The following SERPINB12 variants were observed in gnomAD, a reference collection of about 807,000 sequenced individuals.
SERPINB12 encodes serpin B12.
Under a neutral mutation model 41.1 loss-of-function variants are expected in SERPINB12, and 57 were observed. The ratio of observed to expected loss-of-function variants is 1.39; its 90% confidence interval spans 1.12 to 1.73. The LOEUF is 1.73. Ranked by LOEUF, SERPINB12 falls within the 40% of genes most tolerant of loss-of-function variation. The pLI, the probability that SERPINB12 is intolerant of heterozygous loss-of-function variation, is 0.00. For synonymous variants in SERPINB12, 180 were observed against 181.3 expected, an observed-to-expected ratio of 0.99 and a Z score of 0.06; for missense variants, 536 against 501.9, an observed-to-expected ratio of 1.07 and a Z score of -0.65.
rs1911163373 is a variant in SERPINB12, at chr18:63,567,831, C to T, written c.*820C>T. Among the ~76,000 whole-genome samples the T allele has an allele frequency of 6.6e-6, 1 of 152,252 alleles. No homozygotes were observed. Among genetic ancestry groups the T allele is most frequent in the African/African-American group, 2.4e-5 (1 of 41,470 alleles). On this transcript the variant is annotated 3_prime_UTR_variant, in exon 8 of 8. Coordinates refer to ENST00000382768, the MANE Select transcript of SERPINB12 (RefSeq NM_001307928.2). ...CTGTGGCTAGCTCCTTTTATGCACC[C>T]AGCACAGGCAGGTGTCAAGAGAAGT...
the SERPINB12 span, among the ~76,000 whole-genome samples, chr18:63,530,688 C>T: frequency 6.6e-6 from 1 of 152,108 alleles, no homozygotes; most frequent in Non-Finnish European, 1.5e-5. Flanking sequence ...ATCAGATGCC[C>T]ACAGATGGTG....
chr18:63,534,723 T>A, the SERPINB12 span, among the ~76,000 whole-genome samples: 52 of 152,340 alleles, frequency 3.4e-4, no homozygotes, highest in African/African-American at 1.2e-3. Flanking sequence ...TAGCCGTCAG[T>A]ACTTGTTTTA....
At chr18:63,520,965 A>G in the SERPINB12 span, among the ~76,000 whole-genome samples, 9 of 152,364 alleles carry the variant, frequency 5.9e-5, no homozygotes, top group East Asian at 1.7e-3. Context: ...AGGCAAGGAG[A>G]AATTTTTAAA....
At chr18:63,537,905 C>A (rs1910205303), upstream of SERPINB12, among the ~76,000 whole-genome samples, 1 of 152,042 alleles carries the variant, frequency 6.6e-6, no homozygotes, top group Non-Finnish European at 1.5e-5. Flanking sequence ...GTAGGTGGAA[C>A]AGGTATGAGA....
intron 1 of SERPINB12, among the ~76,000 whole-genome samples, chr18:63,546,366 A>G (rs982884850): frequency 1.3e-5 from 2 of 152,220 alleles, no homozygotes; most frequent in Non-Finnish European, 2.9e-5. Context: ...TAGAACCAAA[A>G]GTAACATCAG....
chr18:63,561,848 T>C (rs1277862128), intron 5 of SERPINB12, among the ~76,000 whole-genome samples: 1 of 151,988 alleles, frequency 6.6e-6, no homozygotes, highest in Admixed American at 6.6e-5. Context: ...CACACAGACA[T>C]AAATATGGCA....
intron 2 of SERPINB12, among the ~76,000 whole-genome samples, 196 bp downstream of exon 2, chr18:63,556,523 C>G (rs191144301): frequency 6.6e-6 from 1 of 152,194 alleles, no homozygotes; most frequent in African/African-American, 2.4e-5. Flanking sequence ...TAAAGTCTCA[C>G]TTAAACTTGT....
chr18:63,536,651 G>C, the SERPINB12 span, among the ~76,000 whole-genome samples: 4 of 152,054 alleles, frequency 2.6e-5, no homozygotes, highest in African/African-American at 9.7e-5. Context: ...CACCCAATGA[G>C]GATTGGTTAG....
At chr18:63,563,496 T>G (rs1297918125) in intron 5 of SERPINB12, among the ~76,000 whole-genome samples, 1 of 152,182 alleles carries the variant, frequency 6.6e-6, no homozygotes, top group Non-Finnish European at 1.5e-5. Flanking sequence ...GTTTCTCCCC[T>G]GCCCCATCAC....
Position 63,553,977 on chromosome 18 carries a change from C to G in SERPINB12, c.-18-2165C>G, listed in dbSNP as rs561220230. The stretch of plus-strand genomic sequence containing the variant: ...AACACCCACCAATTAAGGCATAATG[C>G]TCCTGAAAACACTCTGGTGATCTAT... On this transcript the variant is annotated intron_variant, in intron 1 of 7. Coordinates refer to ENST00000382768, the MANE Select transcript of SERPINB12 (RefSeq NM_001307928.2). Among the ~76,000 whole-genome samples, 47 of 152,280 alleles carry G rather than the reference C, an allele frequency of 3.1e-4. 1 individual carries two copies.
chr18:63,520,267 G>T, the SERPINB12 span, among the ~76,000 whole-genome samples: 28 of 152,212 alleles, frequency 1.8e-4, no homozygotes, highest in Non-Finnish European at 3.7e-4. Flanking sequence ...TTACCAGGAC[G>T]GGACAATGGT....
At chr18:63,559,003 C>CCTTCTTTCTTTCTTTCT (rs1910780632) in intron 3 of SERPINB12, among the ~76,000 whole-genome samples, 11 of 78,536 alleles carry the variant, frequency 1.4e-4, no homozygotes, top group African/African-American at 5.6e-4. Flanking sequence ...TCTTTCCTTC[C>CCTTCTTTCTTTCTTTCT]TTCTTTCTTT....
rs1450215306 is a variant in SERPINB12, at chr18:63,559,654, A to G, written c.380A>G (p.Lys127Arg). 1 of 1,614,038 alleles carries G rather than the reference A, an allele frequency of 6.2e-7. No homozygotes were observed. The highest frequency in any genetic ancestry group is 1.3e-5 in the African/African-American group (1 of 74,932). ...GQLLSKLDRI[K>R]TDYTLSIANR... ...CTTCTCTCCAAATTAGACAGGATCA[A>G]GACTGATTACACACTGAGTATTGCC... Residue 127 changes from lysine to arginine, a missense_variant, in exon 4 of 8, where the codon AAG (lysine) becomes AGG (arginine). Coordinates refer to ENST00000382768, the MANE Select transcript of SERPINB12 (RefSeq NM_001307928.2).
At chr18:63,527,093 C>T in the SERPINB12 span, among the ~76,000 whole-genome samples, 38 of 152,150 alleles carry the variant, frequency 2.5e-4, no homozygotes, top group Non-Finnish European at 3.7e-4. Context: ...TGTTGTTATG[C>T]GGTATATGAC....
chr18:63,557,469 G>A (rs1261347246), intron 2 of SERPINB12, among the ~76,000 whole-genome samples: 1 of 152,198 alleles, frequency 6.6e-6, no homozygotes, highest in Non-Finnish European at 1.5e-5. Flanking sequence ...CTTGGATGTA[G>A]CACATAGTGC....
At chr18:63,535,377 C>T in the SERPINB12 span, among the ~76,000 whole-genome samples, 6 of 151,940 alleles carry the variant, frequency 3.9e-5, no homozygotes, top group East Asian at 7.7e-4. Flanking sequence ...ATATGCCTCC[C>T]GAGGTGATGC....
the SERPINB12 span, among the ~76,000 whole-genome samples, chr18:63,532,780 T>C: frequency 2.6e-5 from 4 of 152,110 alleles, no homozygotes; most frequent in African/African-American, 4.8e-5. Context: ...TTCTGAGTGA[T>C]GTTTGATGAA....
intron 1 of SERPINB12, among the ~76,000 whole-genome samples, chr18:63,554,440 G>T (rs1910610319): frequency 6.6e-6 from 1 of 152,138 alleles, no homozygotes; most frequent in Non-Finnish European, 1.5e-5. Flanking sequence ...TATATTAACT[G>T]GGAAAGTGTT....
chr18:63,533,988 A>G, the SERPINB12 span, among the ~76,000 whole-genome samples: 1 of 152,190 alleles, frequency 6.6e-6, no homozygotes, highest in African/African-American at 2.4e-5. Context: ...CTGTTTTGTG[A>G]GGTAGTTTTG....
Sources: gnomAD v4.1 joint callset for allele counts (sites outside exome capture counted in the v4.1 genomes callset) on GRCh38, gnomAD v4.1.1 for gene constraint, MANE v1.5 for transcripts, NCBI Gene and HGNC (gene_info 2026-07-23, HGNC 2026-07-21) for gene names.